PKNOX2: variants seen among roughly 807,000 people sequenced by gnomAD.
PKNOX2 encodes homeobox protein PKNOX2.
In PKNOX2, 14 loss-of-function variants were observed where a neutral mutation model predicts 53.1. That is an observed-to-expected ratio of 0.26 (90% CI 0.17 to 0.41). The LOEUF (loss-of-function observed/expected upper bound fraction) is 0.41. PKNOX2 is among the 10% of genes least tolerant of loss of function. The probability of loss-of-function intolerance (pLI) is 1.00; values close to 1 mark genes in which losing one functional copy is unlikely to be tolerated. For missense variants in PKNOX2, 496 were observed against 602.8 expected (o/e 0.82, Z 1.85); for synonymous variants, 257 against 242.8 (o/e 1.06, Z -0.54).
intron 1 of PKNOX2, among the ~76,000 whole-genome samples, chr11:125,206,690 T>C (rs1939158061): frequency 2.0e-5 from 3 of 152,132 alleles, no homozygotes; most frequent in African/African-American, 7.2e-5. Flanking sequence ...GGCGAAATCA[T>C]AGTACTTACC....
chr11:125,217,341 GT>G (rs1187346309), intron 1 of PKNOX2, among the ~76,000 whole-genome samples: 4 of 152,144 alleles, frequency 2.6e-5, no homozygotes. Flanking sequence ...ACTCCATGTA[GT>G]TTGCAGGCAA....
intron 1 of PKNOX2, among the ~76,000 whole-genome samples, chr11:125,193,061 A>G (rs1956975064): frequency 6.6e-6 from 1 of 152,202 alleles, no homozygotes; most frequent in Non-Finnish European, 1.5e-5. Flanking sequence ...GGGCTCTGCC[A>G]TTGAGTTTGA....
chr11:125,247,899 C>A (rs1179461476), intron 2 of PKNOX2, among the ~76,000 whole-genome samples: 4 of 152,144 alleles, frequency 2.6e-5, no homozygotes, highest in African/African-American at 9.7e-5. Context: ...CGAATTCTTC[C>A]CATCCCGCTA....
intron 1 of PKNOX2, among the ~76,000 whole-genome samples, chr11:125,170,194 G>A (rs569492316): frequency 2.0e-5 from 3 of 152,194 alleles, no homozygotes; most frequent in East Asian, 3.9e-4. Context: ...AGTTACACCC[G>A]GCACTTACAC....
At chr11:125,172,814 G>A (rs1955426877) in intron 1 of PKNOX2, among the ~76,000 whole-genome samples, 1 of 152,160 alleles carries the variant, frequency 6.6e-6, no homozygotes, top group Non-Finnish European at 1.5e-5. Context: ...TGGCCCCTGT[G>A]GTATAGAGTC....
chr11:125,243,774 C>A (rs1158358767), intron 2 of PKNOX2, among the ~76,000 whole-genome samples: 1 of 152,152 alleles, frequency 6.6e-6, no homozygotes, highest in Non-Finnish European at 1.5e-5. Context: ...AGGTGCCCGC[C>A]ACCATGCCTG....
In PKNOX2 at chr11:125,384,684, C is replaced by CA. The variant is rs909815511; in HGVS notation, c.228-859dup. On this transcript the variant is annotated intron_variant, in intron 5 of 12. Coordinates refer to ENST00000298282, the MANE Select transcript of PKNOX2 (RefSeq NM_001382323.2). ...TGGGTGACAGAGCGAGACTCCGTCT[C>CA]AAAAAAAACAAAAAGATCCATAGAG... is the stretch of plus-strand genomic sequence containing the variant. Among the ~76,000 whole-genome samples, 29 of 151,298 alleles carry CA rather than the reference C, an allele frequency of 1.9e-4. 1 individual carries two copies. Among genetic ancestry groups the CA allele is most frequent in the Admixed American group, 5.3e-4 (8 of 15,208 alleles).
Position 125,310,418 on chromosome 11 carries a change from C to A in PKNOX2, c.-129-21401C>A, listed in dbSNP as rs1210425025. On this transcript the variant is annotated intron_variant, in intron 2 of 12. Transcript: ENST00000298282. The stretch of plus-strand genomic sequence containing the variant: ...TCTGAGGCAGGAGAATTGCTTGAAC[C>A]CAGGAGGCGGAGGTTGCAGTGAGCC... 2.0e-5 allele frequency among the ~76,000 whole-genome samples: 3 copies of A among 151,924 alleles called. No homozygotes were observed. In the East Asian group the frequency reaches 5.8e-4, roughly 29 times the overall value.
chr11:125,278,774 T>C (rs1946354321), intron 2 of PKNOX2, among the ~76,000 whole-genome samples: 1 of 152,100 alleles, frequency 6.6e-6, no homozygotes, highest in African/African-American at 2.4e-5. Context: ...AAAAAAGGCA[T>C]TTAGATATCC....
At chr11:125,336,219 C>T (rs1950426376) in intron 3 of PKNOX2, among the ~76,000 whole-genome samples, 1 of 151,992 alleles carries the variant, frequency 6.6e-6, no homozygotes, top group Non-Finnish European at 1.5e-5. Context: ...AAAAACTCTC[C>T]CTTCCTACCC....
intron 1 of PKNOX2, among the ~76,000 whole-genome samples, chr11:125,201,934 C>T (rs528917842): frequency 6.4e-4 from 98 of 152,322 alleles, no homozygotes; most frequent in Non-Finnish European, 7.9e-4. Context: ...CTTGTGGCTG[C>T]TCCTTGGGGT....
At chr11:125,319,172 G>A (rs1232887102) in intron 2 of PKNOX2, among the ~76,000 whole-genome samples, 10 of 151,914 alleles carry the variant, frequency 6.6e-5, no homozygotes, top group African/African-American at 2.4e-4. Context: ...GTCACTGTAG[G>A]GTTATTAATT....
intron 10 of PKNOX2, among the ~76,000 whole-genome samples, chr11:125,413,998 G>A (rs1446478310): frequency 6.6e-6 from 1 of 152,142 alleles, no homozygotes; most frequent in Non-Finnish European, 1.5e-5. Flanking sequence ...GGAATCGTTA[G>A]CCTGAGACTG....
intron 2 of PKNOX2, among the ~76,000 whole-genome samples, chr11:125,260,858 G>A (rs1239999921): frequency 6.6e-6 from 1 of 152,202 alleles, no homozygotes; most frequent in Non-Finnish European, 1.5e-5. Context: ...GTGAGAAACA[G>A]GAGAAACTAG....
chr11:125,334,461 G>A (rs1015321444), intron 3 of PKNOX2, among the ~76,000 whole-genome samples: 5 of 152,156 alleles, frequency 3.3e-5, no homozygotes, highest in Admixed American at 2.0e-4. Flanking sequence ...TGAACACGTA[G>A]TTATTGGAGT....
At position 125,324,825 on chromosome 11, in the gene PKNOX2, G is replaced by T. The variant is rs58316893; in HGVS notation, c.-129-6994G>T. ...GAGAGCCATTGGAGCTGGGGAGCCT[G>T]CTTGGAACCCAGAGTCATCAAGCAG... is the stretch of plus-strand genomic sequence containing the variant. On this transcript the variant is annotated intron_variant, in intron 2 of 12. Transcript: ENST00000298282. 1.3e-3 allele frequency among the ~76,000 whole-genome samples: 201 copies of T among 152,310 alleles called. 4 individuals carry two copies. The East Asian group carries it at 0.038, about 29-fold the overall frequency.
chr11:125,261,459 G>A (rs1944837341), intron 2 of PKNOX2, among the ~76,000 whole-genome samples: 2 of 152,220 alleles, frequency 1.3e-5, no homozygotes, highest in South Asian at 2.1e-4. Flanking sequence ...GCACTGATTT[G>A]TCTCTGTTGC....
chr11:125,259,972 G>T (rs976496351), intron 2 of PKNOX2, among the ~76,000 whole-genome samples: 1 of 151,712 alleles, frequency 6.6e-6, no homozygotes, highest in African/African-American at 2.4e-5. Flanking sequence ...CAGCTCCTGG[G>T]CTCAAGCGAT....
intron 5 of PKNOX2, among the ~76,000 whole-genome samples, chr11:125,382,428 C>T (rs1371095285): frequency 1.3e-5 from 2 of 152,174 alleles, no homozygotes; most frequent in South Asian, 2.1e-4. Flanking sequence ...CAGCGGGGGC[C>T]GCACCCCCAC....
Sources: gnomAD v4.1 joint callset for allele counts (sites outside exome capture counted in the v4.1 genomes callset) on GRCh38, gnomAD v4.1.1 for gene constraint, MANE v1.5 for transcripts, NCBI Gene and HGNC (gene_info 2026-07-23, HGNC 2026-07-21) for gene names.